Variants in KCNIP4 observed in about 807,000 individuals in gnomAD.
KCNIP4 encodes Kv channel-interacting protein 4.
In KCNIP4, 12 loss-of-function variants were observed where a neutral mutation model predicts 34.0. That is an observed-to-expected ratio of 0.35 (90% CI 0.23 to 0.57). The LOEUF (loss-of-function observed/expected upper bound fraction) is 0.57, where lower values mean the gene tolerates loss of function less well. Among genes scored for constraint, KCNIP4 ranks in the 20% least tolerant of loss-of-function variants. The pLI, the probability that KCNIP4 is intolerant of heterozygous loss-of-function variation, is 0.83. For synonymous variants in KCNIP4, 124 were observed against 102.2 expected (o/e 1.21, Z -1.29); for missense variants, 238 against 311.7 (o/e 0.76, Z 1.78).
intron 1 of KCNIP4, among the ~76,000 whole-genome samples, chr4:21,106,414 G>A (rs1403568996): frequency 1.3e-5 from 2 of 151,698 alleles, no homozygotes; most frequent in East Asian, 3.8e-4. Flanking sequence ...TCTGATGGTA[G>A]TTTGTATTTC....
intron 1 of KCNIP4, among the ~76,000 whole-genome samples, chr4:21,479,184 GA>G (rs1731227174): frequency 6.6e-6 from 1 of 152,120 alleles, no homozygotes; most frequent in Non-Finnish European, 1.5e-5. Context: ...AAGTCTGCCA[GA>G]AGACACCTAC....
At chr4:20,883,865 C>A (rs1724987782) in intron 1 of KCNIP4, among the ~76,000 whole-genome samples, 1 of 152,154 alleles carries the variant, frequency 6.6e-6, no homozygotes, top group South Asian at 2.1e-4. Context: ...TAAATAAGAT[C>A]ATTCCTCTGA....
intron 1 of KCNIP4, among the ~76,000 whole-genome samples, chr4:21,341,920 T>A (rs1716799093): frequency 6.6e-6 from 1 of 152,160 alleles, no homozygotes; most frequent in South Asian, 2.1e-4. Flanking sequence ...AACTGAACAT[T>A]GTGCAGAATG....
At chr4:21,643,208 C>G (rs1746742346) in intron 1 of KCNIP4, among the ~76,000 whole-genome samples, 1 of 152,070 alleles carries the variant, frequency 6.6e-6, no homozygotes, top group Non-Finnish European at 1.5e-5. Context: ...TTCCCCTTAC[C>G]ATATAACATG....
chr4:21,042,190 G>C (rs1008133504), intron 1 of KCNIP4, among the ~76,000 whole-genome samples: 5 of 151,872 alleles, frequency 3.3e-5, no homozygotes, highest in African/African-American at 1.2e-4. Context: ...CCTAGTACTG[G>C]GTATATATCC....
At chr4:20,933,580 T>C (rs16870203) in intron 1 of KCNIP4, among the ~76,000 whole-genome samples, 5,521 of 152,248 alleles carry the variant, frequency 0.036, 168 homozygotes, top group Admixed American at 0.075. Flanking sequence ...CACAATTTCT[T>C]ATATTTTAAA....
intron 2 of KCNIP4, among the ~76,000 whole-genome samples, chr4:20,851,009 C>G (rs901733094): frequency 2.9e-5 from 4 of 139,692 alleles, no homozygotes; most frequent in African/African-American, 9.9e-5. Context: ...ATATATTACT[C>G]TATAAATCTA....
intron 1 of KCNIP4, among the ~76,000 whole-genome samples, chr4:21,542,366 T>C (rs569891611): frequency 2.6e-5 from 4 of 152,066 alleles, no homozygotes; most frequent in East Asian, 1.9e-4. Flanking sequence ...TTCAAAAATA[T>C]ATTTTTAAAG....
intron 1 of KCNIP4, among the ~76,000 whole-genome samples, chr4:21,290,954 G>A (rs535934470): frequency 1.3e-5 from 2 of 152,280 alleles, no homozygotes; most frequent in South Asian, 4.1e-4. Context: ...AATAGTCCAT[G>A]AGCTGGATCC....
chr4:20,805,197 T>C (rs1301835049), intron 3 of KCNIP4, among the ~76,000 whole-genome samples: 2 of 144,734 alleles, frequency 1.4e-5, no homozygotes, highest in Non-Finnish European at 3.0e-5. Context: ...TTTTTTTTTT[T>C]TTTTTTTTTT....
intron 1 of KCNIP4, among the ~76,000 whole-genome samples, chr4:21,674,073 C>T (rs964606577): frequency 6.6e-6 from 1 of 152,182 alleles, no homozygotes; most frequent in African/African-American, 2.4e-5. Flanking sequence ...AATGCGTTAG[C>T]TTTAAAAATG....
At chr4:21,526,394 A>T (rs1735978079) in intron 1 of KCNIP4, among the ~76,000 whole-genome samples, 1 of 152,110 alleles carries the variant, frequency 6.6e-6, no homozygotes, top group East Asian at 1.9e-4. Context: ...AGCCATGTGG[A>T]ACTGGGAATC....
chr4:21,183,594 G>A (rs1755005647), intron 1 of KCNIP4, among the ~76,000 whole-genome samples: 1 of 151,310 alleles, frequency 6.6e-6, no homozygotes, highest in South Asian at 2.1e-4. Flanking sequence ...CACCAAAAGT[G>A]TACTAGGGTC....
chr4:21,632,763 A>G (rs1235838944), intron 1 of KCNIP4, among the ~76,000 whole-genome samples: 1 of 152,188 alleles, frequency 6.6e-6, no homozygotes, highest in African/African-American at 2.4e-5. Context: ...TATAGGTGCC[A>G]CAAGAAGGGT....
intron 1 of KCNIP4, chr4:21,855,792 C>T (rs1724714710): frequency 6.6e-6 from 1 of 152,214 alleles, no homozygotes; most frequent in South Asian, 2.1e-4. Flanking sequence ...CTGAAACTAT[C>T]TTCTTGTTTG....
At chr4:20,891,982 G>A (rs1279713046) in intron 1 of KCNIP4, among the ~76,000 whole-genome samples, 2 of 152,036 alleles carry the variant, frequency 1.3e-5, no homozygotes, top group African/African-American at 4.8e-5. Context: ...GATAACTTGG[G>A]GTTCATATGC....
chr4:21,745,563 T>C (rs1397200195), intron 1 of KCNIP4, among the ~76,000 whole-genome samples: 2 of 152,142 alleles, frequency 1.3e-5, no homozygotes, highest in African/African-American at 4.8e-5. Context: ...TGTGAGTCTG[T>C]ACTCTCAAAC....
chr4:21,765,547 G>A (rs2109178705), intron 1 of KCNIP4, among the ~76,000 whole-genome samples: 1 of 152,132 alleles, frequency 6.6e-6, no homozygotes, highest in South Asian at 2.1e-4. Flanking sequence ...CCCCTGGAGG[G>A]ACATGGAATC....
chr4:21,760,612 A>G (rs1717984375), intron 1 of KCNIP4, among the ~76,000 whole-genome samples: 1 of 152,118 alleles, frequency 6.6e-6, no homozygotes, highest in African/African-American at 2.4e-5. Flanking sequence ...TTCTGAATCA[A>G]TCTGAATACA....
Sources: gnomAD v4.1 joint callset for allele counts (sites outside exome capture counted in the v4.1 genomes callset) on GRCh38, gnomAD v4.1.1 for gene constraint, MANE v1.5 for transcripts, NCBI Gene and HGNC (gene_info 2026-07-23, HGNC 2026-07-21) for gene names.